BCAR3: variants seen among roughly 807,000 people sequenced by gnomAD.
The protein encoded by BCAR3 is BCAR3 adaptor protein, NSP family member.
In BCAR3, 37 loss-of-function variants were observed where a neutral mutation model predicts 80.1. The observed-to-expected ratio is 0.46, with a 90% CI of 0.36 to 0.61. The LOEUF (loss-of-function observed/expected upper bound fraction) is 0.61, where lower values mean the gene tolerates loss of function less well. Ranked by LOEUF, BCAR3 falls within the 20% of genes least tolerant of loss-of-function variation. BCAR3 has a pLI of 0.00. For missense variants in BCAR3, 978 were observed against 1,068.2 expected (o/e 0.92, Z 1.18); for synonymous variants, 389 against 418.9 (o/e 0.93, Z 0.87).
At chr1:93,812,759 ACAC>A (rs1356677882) in intron 2 of BCAR3, among the ~76,000 whole-genome samples, 1 of 152,190 alleles carries the variant, frequency 6.6e-6, no homozygotes, top group East Asian at 1.9e-4. Flanking sequence ...ATCATCTGCA[ACAC>A]CACTGCAACT....
chr1:93,754,899 C>T (rs1651693250), intron 2 of BCAR3, among the ~76,000 whole-genome samples: 2 of 152,002 alleles, frequency 1.3e-5, no homozygotes, highest in Admixed American at 6.6e-5. Flanking sequence ...AGGAGGTATT[C>T]CAGAAGAAGG....
intron 2 of BCAR3, among the ~76,000 whole-genome samples, chr1:93,717,842 C>A (rs188631485): frequency 6.6e-6 from 1 of 152,004 alleles, no homozygotes; most frequent in African/African-American, 2.4e-5. Context: ...TGGAAAATTG[C>A]GTAAGAGTCT....
At chr1:93,573,268 A>G (rs771924969) in intron 8 of BCAR3, among the ~76,000 whole-genome samples, 11 of 152,096 alleles carry the variant, frequency 7.2e-5, no homozygotes, top group Non-Finnish European at 1.5e-4. Flanking sequence ...ATGGTGGCAC[A>G]TGCCTGTAGT....
intron 2 of BCAR3, among the ~76,000 whole-genome samples, chr1:93,739,960 T>C (rs1345850693): frequency 6.7e-6 from 1 of 149,578 alleles, no homozygotes; most frequent in Non-Finnish European, 1.5e-5. Context: ...TGCTTGAACC[T>C]GGGAGGCGGA....
chr1:93,773,630 C>G (rs1202376545), intron 2 of BCAR3, among the ~76,000 whole-genome samples: 2 of 152,080 alleles, frequency 1.3e-5, no homozygotes, highest in African/African-American at 4.8e-5. Context: ...CAGCTAGTGC[C>G]CAGTGCCTAT....
chr1:93,721,148 G>A (rs930060648), intron 2 of BCAR3, among the ~76,000 whole-genome samples: 4 of 152,188 alleles, frequency 2.6e-5, no homozygotes, highest in African/African-American at 9.7e-5. Context: ...GGGCAGGAAG[G>A]AAGGGTAGGA....
chr1:93,576,504 T>C (rs1246803436), intron 7 of BCAR3, among the ~76,000 whole-genome samples: 4 of 152,354 alleles, frequency 2.6e-5, no homozygotes, highest in Middle Eastern at 3.4e-3. Flanking sequence ...TGTTCGGAGC[T>C]GACCGATCCC....
intron 2 of BCAR3, among the ~76,000 whole-genome samples, chr1:93,662,419 C>G (rs1647705074): frequency 6.6e-6 from 1 of 152,086 alleles, no homozygotes; most frequent in Admixed American, 6.5e-5. Flanking sequence ...AAGTTGTATT[C>G]AACTAGGTTT....
In BCAR3 at chr1:93,576,068, A is replaced by G. The variant is rs1673444593; in HGVS notation, c.1748T>C (p.Leu583Pro). Residue 583 changes from leucine (L) to proline (P), a missense_variant, in exon 8 of 12, where the codon CTG (leucine) becomes CCG (proline). Transcript: ENST00000260502. ...MRRNMGVSSG[L>P]ELITLPHGHQ... ...TCCGTGAGGCAAGGTAATGAGTTCC[A>G]GGCCTGAGCTCACCCCCATGTTCCT... 1 of 1,614,080 alleles carries G rather than the reference A, an allele frequency of 6.2e-7. No individual in the cohort carries two copies. The highest frequency in any genetic ancestry group is 1.7e-5 in the Admixed American group (1 of 59,996).
chr1:93,840,629 C>T (rs1416052743), intron 2 of BCAR3, among the ~76,000 whole-genome samples: 2 of 152,150 alleles, frequency 1.3e-5, no homozygotes, highest in African/African-American at 4.8e-5. Context: ...GACCTACTCC[C>T]CCAAACTGGG....
At chr1:93,581,032 T>C (rs1449427248) in intron 7 of BCAR3, among the ~76,000 whole-genome samples, 1 of 152,034 alleles carries the variant, frequency 6.6e-6, no homozygotes, top group East Asian at 1.9e-4. Flanking sequence ...TGTGGTGGCA[T>C]GCGCCTGTGG....
In BCAR3 at chr1:93,588,993, T is replaced by A; in HGVS notation, c.913A>T (p.Arg305Trp). 6.3e-7 allele frequency: 1 copy of A among 1,577,206 alleles called. No homozygotes were observed. The highest frequency in any genetic ancestry group is 2.3e-5 in the East Asian group (1 of 44,244). ...GVQAREQNLPRGNLLRNKEKS... is the reference protein window; with the variant it reads ...GVQAREQNLPWGNLLRNKEKS... The stretch of plus-strand genomic sequence containing the variant: ...CTGACCTACCTGAGGAGGTTTCCCC[T>A]GGGCAAATTCTGCTCTCGGGCCTGG... The change falls in exon 5 of 12, where the codon AGG becomes TGG. Residue 305 changes from arginine (R) to tryptophan (W), a missense_variant. Physicochemically the swap from Arg to Trp is moderately radical, Grantham distance 101. Coordinates refer to ENST00000260502, the MANE Select transcript of BCAR3 (RefSeq NM_003567.4).
intron 2 of BCAR3, among the ~76,000 whole-genome samples, chr1:93,760,793 C>G (rs1004966677): frequency 6.6e-6 from 1 of 152,108 alleles, no homozygotes; most frequent in Non-Finnish European, 1.5e-5. Flanking sequence ...GTAGAAAGGT[C>G]CCAGGAGAGA....
At chr1:93,580,938 A>T (rs1673680331) in intron 7 of BCAR3, among the ~76,000 whole-genome samples, 1 of 152,220 alleles carries the variant, frequency 6.6e-6, no homozygotes, top group Non-Finnish European at 1.5e-5. Flanking sequence ...AGGCAGGCAG[A>T]TCACTTGAGC....
intron 3 of BCAR3, among the ~76,000 whole-genome samples, chr1:93,702,666 G>C (rs375552198): frequency 6.6e-6 from 1 of 152,234 alleles, no homozygotes; most frequent in African/African-American, 2.4e-5. Flanking sequence ...TAAGACAGGA[G>C]GTCAGATAAC....
intron 3 of BCAR3, among the ~76,000 whole-genome samples, chr1:93,608,442 C>A (rs1009338595): frequency 1.3e-5 from 2 of 152,222 alleles, no homozygotes; most frequent in Non-Finnish European, 2.9e-5. Context: ...AGGCCTGGGT[C>A]CCCCGTGCAC....
In BCAR3 at chr1:93,672,270, G is replaced by A. The variant is rs59387495; in HGVS notation, c.317+2344C>T. On this transcript the variant is annotated intron_variant, in intron 2 of 11. Coordinates refer to ENST00000260502, the MANE Select transcript of BCAR3 (RefSeq NM_003567.4). ...CAGCTTGACAGCTTGGACCTTGGGT[G>A]TTTACCAAGAACTTCCCCAAGATAG... is the stretch of plus-strand genomic sequence containing the variant. Among the ~76,000 whole-genome samples the A allele has an allele frequency of 2.6e-3, 389 of 152,254 alleles. 3 individuals are homozygous for A. Among genetic ancestry groups the A allele is most frequent in the African/African-American group, 9.0e-3 (375 of 41,552 alleles).
At chr1:93,565,882 GC>G (rs1672927741) in intron 11 of BCAR3, among the ~76,000 whole-genome samples, 1 of 152,150 alleles carries the variant, frequency 6.6e-6, no homozygotes, top group Admixed American at 6.5e-5. Flanking sequence ...CAAACTGTGA[GC>G]CCTTGAAGAA....
At chr1:93,576,742 G>T (rs1218468674) in intron 7 of BCAR3, among the ~76,000 whole-genome samples, 1 of 152,178 alleles carries the variant, frequency 6.6e-6, no homozygotes, top group Non-Finnish European at 1.5e-5. Context: ...TAAAATCTTT[G>T]TCCCAGACAG....
Sources: gnomAD v4.1 joint callset for allele counts (sites outside exome capture counted in the v4.1 genomes callset) on GRCh38, gnomAD v4.1.1 for gene constraint, MANE v1.5 for transcripts, NCBI Gene and HGNC (gene_info 2026-07-23, HGNC 2026-07-21) for gene names.